SPOCK1: variants seen among roughly 807,000 people sequenced by gnomAD.
SPOCK1 encodes the protein SPARC (osteonectin), cwcv and kazal like domains proteoglycan 1, also known as testican-1.
SPOCK1 carries 23 observed loss-of-function variants against 55.3 expected under a neutral mutation model. The ratio of observed to expected loss-of-function variants is 0.42; its 90% CI spans 0.30 to 0.59. SPOCK1 has a LOEUF of 0.59. Ranked by LOEUF, SPOCK1 falls within the 20% of genes least tolerant of loss-of-function variation. SPOCK1 has a pLI of 0.22. For synonymous variants in SPOCK1, 226 were observed against 221.0 expected (o/e 1.02, Z -0.20); for missense variants, 499 against 552.5 (o/e 0.90, Z 0.97).
In SPOCK1 at chr5:137,369,738, C is replaced by T. The variant is rs555698961; in HGVS notation, c.187-102683G>A. On this transcript the variant is annotated intron_variant, in intron 2 of 10. Coordinates refer to ENST00000394945, the MANE Select transcript of SPOCK1 (RefSeq NM_004598.4). Reference sequence around the variant, plus strand: ...TCAGTTCCGTGGTGAAGGCCCTCTTCCTGGCTTGCAGATGGCTGCCTCCTG... The same window carrying T: ...TCAGTTCCGTGGTGAAGGCCCTCTTTCTGGCTTGCAGATGGCTGCCTCCTG... Among the ~76,000 whole-genome samples the T allele has an allele frequency of 2.6e-5, 4 of 152,340 alleles. No homozygotes were observed. The East Asian group carries it at 7.7e-4, about 29-fold the overall frequency.
chr5:137,327,655 A>T (rs1758102911), intron 2 of SPOCK1, among the ~76,000 whole-genome samples: 1 of 152,190 alleles, frequency 6.6e-6, no homozygotes, highest in African/African-American at 2.4e-5. Context: ...TAATTTTTAC[A>T]CACAAGCTGT....
chr5:137,159,752 T>A (rs1754488695), intron 3 of SPOCK1, among the ~76,000 whole-genome samples: 1 of 152,208 alleles, frequency 6.6e-6, no homozygotes, highest in Non-Finnish European at 1.5e-5. Context: ...CAATGGGCAC[T>A]TAGGTTGGTT....
intron 3 of SPOCK1, among the ~76,000 whole-genome samples, chr5:137,161,102 ATATC>A (rs1754549023): frequency 1.4e-5 from 2 of 147,064 alleles, no homozygotes; most frequent in Non-Finnish European, 1.5e-5. Context: ...TATAATATAT[ATATC>A]TAATATATAA....
chr5:137,180,225 G>A (rs1436590184), intron 3 of SPOCK1, among the ~76,000 whole-genome samples: 1 of 152,164 alleles, frequency 6.6e-6, no homozygotes, highest in African/African-American at 2.4e-5. Flanking sequence ...GCACATGCAA[G>A]CACTTGTTGA....
At chr5:137,394,654 C>A (rs1024577576) in intron 2 of SPOCK1, among the ~76,000 whole-genome samples, 4 of 152,182 alleles carry the variant, frequency 2.6e-5, no homozygotes, top group African/African-American at 9.7e-5. Flanking sequence ...GCCTTACATG[C>A]AATAAGTGCT....
intron 4 of SPOCK1, among the ~76,000 whole-genome samples, chr5:137,127,998 C>T (rs1343577541): frequency 6.6e-6 from 1 of 152,174 alleles, no homozygotes; most frequent in Admixed American, 6.5e-5. Context: ...GTTTGTGTCT[C>T]CCCAAAATTA....
intron 9 of SPOCK1, among the ~76,000 whole-genome samples, chr5:136,980,016 A>C (rs186504756): frequency 1.3e-3 from 198 of 152,298 alleles, no homozygotes; most frequent in African/African-American, 4.3e-3. Context: ...TCTATGAACA[A>C]CACCAGTCTG....
chr5:137,069,207 C>A (rs1250843258), intron 5 of SPOCK1, among the ~76,000 whole-genome samples: 1 of 152,180 alleles, frequency 6.6e-6, no homozygotes, highest in Non-Finnish European at 1.5e-5. Flanking sequence ...ATACTTTAAA[C>A]CTGGTTCTAA....
rs544933594 is a variant in SPOCK1 at position 137,498,266 on chromosome 5, C to CCACACACACACACACA, written c.186+91_186+106dup. The CCACACACACACACACA allele has an allele frequency of 3.8e-5, 30 of 796,460 alleles. No homozygotes were observed. In the African/African-American group the frequency reaches 5.0e-4, roughly 13 times the overall value. The allele number at this position is 796,460 out of a possible 1,614,324, so 49.3% of individuals were successfully genotyped here. A position where few individuals can be genotyped will look rare whatever the true frequency, so the allele number is the denominator to read the frequency against. On this transcript the variant is annotated intron_variant, in intron 2 of 10. Transcript: ENST00000394945. The stretch of plus-strand genomic sequence containing the variant: ...AGATGCCCACCTGTCCCCCTCCCAA[C>CCACACACACACACACA]CACACACACACACACACACACACAC...
chr5:137,223,532 TG>T (rs1479563013), intron 3 of SPOCK1, among the ~76,000 whole-genome samples: 1 of 152,218 alleles, frequency 6.6e-6, no homozygotes, highest in Non-Finnish European at 1.5e-5. Flanking sequence ...ACCATCCATC[TG>T]AGACTAATGA....
intron 3 of SPOCK1, among the ~76,000 whole-genome samples, chr5:137,256,848 G>T (rs1318520927): frequency 6.6e-6 from 1 of 152,118 alleles, no homozygotes; most frequent in Admixed American, 6.5e-5. Context: ...GACAAGAAGA[G>T]AAGCCACAAA....
chr5:137,315,490 G>C (rs1757862404), intron 2 of SPOCK1, among the ~76,000 whole-genome samples: 1 of 152,210 alleles, frequency 6.6e-6, no homozygotes. Flanking sequence ...AGAAGCAGTA[G>C]CTAGGAGCAA....
intron 3 of SPOCK1, among the ~76,000 whole-genome samples, chr5:137,252,169 A>T (rs1213617340): frequency 6.6e-6 from 1 of 151,996 alleles, no homozygotes; most frequent in African/African-American, 2.4e-5. Flanking sequence ...CAGGTGATCC[A>T]CCCGCCTCGG....
intron 6 of SPOCK1, among the ~76,000 whole-genome samples, chr5:137,046,490 T>A (rs1469799583): frequency 2.0e-5 from 3 of 151,766 alleles, no homozygotes; most frequent in Non-Finnish European, 2.9e-5. Context: ...ATTGGTTTTG[T>A]ATCCTGAGAC....
At chr5:137,263,777 A>G (rs1156498238) in intron 3 of SPOCK1, among the ~76,000 whole-genome samples, 2 of 152,170 alleles carry the variant, frequency 1.3e-5, no homozygotes, top group African/African-American at 4.8e-5. Context: ...AATCTCAGGA[A>G]GAATTCTTAG....
chr5:137,430,206 T>C (rs933617789), intron 2 of SPOCK1, among the ~76,000 whole-genome samples: 2 of 152,270 alleles, frequency 1.3e-5, no homozygotes, highest in African/African-American at 4.8e-5. Context: ...ATGACATTGC[T>C]GGCTGATTTC....
Position 137,419,479 on chromosome 5 carries a change from A to G in SPOCK1, c.186+78894T>C, listed in dbSNP as rs181598043. On this transcript the variant is annotated intron_variant, in intron 2 of 10. Transcript: ENST00000394945. Reference sequence around the variant, plus strand: ...GCTTGTATCCTCTTTTATTTCAATGAGCAGTGGTTTGTAGTTCTCCTTGAA... The same window carrying G: ...GCTTGTATCCTCTTTTATTTCAATGGGCAGTGGTTTGTAGTTCTCCTTGAA... Among the ~76,000 whole-genome samples, 150 of 152,250 alleles carry G rather than the reference A, an allele frequency of 9.9e-4. 1 individual carries two copies. In the East Asian group the frequency reaches 0.025, roughly 26 times the overall value.
At chr5:137,088,206 G>A (rs114669327) in intron 5 of SPOCK1, among the ~76,000 whole-genome samples, 2,194 of 152,298 alleles carry the variant, frequency 0.014, 19 homozygotes, top group South Asian at 0.033. Flanking sequence ...TCTCCAGGGA[G>A]AGGTTACAGC....
At chr5:137,454,413 A>G (rs1413938453) in intron 2 of SPOCK1, among the ~76,000 whole-genome samples, 3 of 152,224 alleles carry the variant, frequency 2.0e-5, no homozygotes, top group Non-Finnish European at 4.4e-5. Context: ...TAACATTCAC[A>G]TGAAAGAGCA....
Sources: gnomAD v4.1 joint callset for allele counts (sites outside exome capture counted in the v4.1 genomes callset) on GRCh38, gnomAD v4.1.1 for gene constraint, MANE v1.5 for transcripts, NCBI Gene and HGNC (gene_info 2026-07-23, HGNC 2026-07-21) for gene names.